Variants in RNF152 observed in about 807,000 individuals in gnomAD.
RNF152 encodes E3 ubiquitin-protein ligase RNF152.
In RNF152, 11 loss-of-function variants were observed where a neutral mutation model predicts 12.7. The ratio of observed to expected loss-of-function variants is 0.86; its 90% CI spans 0.54 to 1.43. The LOEUF is 1.43. Among genes scored for constraint, RNF152 ranks in the 40% most tolerant of loss-of-function variants. The pLI is 0.00. For missense variants in RNF152, 255 were observed against 274.8 expected (o/e 0.93, Z 0.51); for synonymous variants, 113 against 120.3 (o/e 0.94, Z 0.40).
rs1158737085 is a variant in RNF152, at chr18:61,815,917, G to C, written c.547C>G (p.Leu183Val). ...ILVACVLVFL[L>V]GIVLHNMSCI... ...GACATGTTGTGAAGCACGATGCCGA[G>C]GAGGAAGACCAAGACGCAAGCCACC... Residue 183 changes from leucine (L) to valine (V), a missense_variant, in exon 2 of 2, where the codon CTC becomes GTC. Transcript: ENST00000312828. 6.2e-7 allele frequency: 1 copy of C among 1,614,218 alleles called. No homozygotes were observed. The highest frequency in any genetic ancestry group is 2.2e-5 in the East Asian group (1 of 44,872).
At chr18:61,844,793 G>A (rs769349339) in intron 1 of RNF152, among the ~76,000 whole-genome samples, 2 of 152,074 alleles carry the variant, frequency 1.3e-5, no homozygotes, top group African/African-American at 4.8e-5. Flanking sequence ...ATTTATCAAG[G>A]GAAGGTGCAA....
chr18:61,836,997 C>A lies in RNF152; in HGVS notation c.-135-20399G>T, dbSNP rs79784366. 7.9e-5 allele frequency among the ~76,000 whole-genome samples: 12 copies of A among 152,240 alleles called. No homozygotes were observed. In the East Asian group the frequency reaches 2.3e-3, roughly 29 times the overall value. On this transcript the variant is annotated intron_variant, in intron 1 of 1. Coordinates refer to ENST00000312828, the MANE Select transcript of RNF152 (RefSeq NM_173557.3). ...CTTACTAAATGATAAAGAGAGTTAT[C>A]TTTACAGATATCACCTTAACCAAAG...
At chr18:61,817,888 C>A (rs921004281) in intron 1 of RNF152, among the ~76,000 whole-genome samples, 2 of 152,060 alleles carry the variant, frequency 1.3e-5, no homozygotes, top group African/African-American at 2.4e-5. Flanking sequence ...TTGAAAGCAT[C>A]CAAATTATGT....
At chr18:61,854,108 G>T (rs1404181795) in intron 1 of RNF152, among the ~76,000 whole-genome samples, 7 of 152,156 alleles carry the variant, frequency 4.6e-5, no homozygotes, top group Admixed American at 3.9e-4. Context: ...GACTCCCCGT[G>T]ACAAGGTGAT....
chr18:61,889,322 C>T (rs1042726294), intron 1 of RNF152, among the ~76,000 whole-genome samples: 2 of 152,110 alleles, frequency 1.3e-5, no homozygotes, highest in African/African-American at 4.8e-5. Flanking sequence ...GAACCAAAAG[C>T]AATATTATTT....
chr18:61,890,073 T>A (rs1261010633), intron 1 of RNF152, among the ~76,000 whole-genome samples: 1 of 152,224 alleles, frequency 6.6e-6, no homozygotes, highest in East Asian at 1.9e-4. Flanking sequence ...AGTAGTACAT[T>A]ACAGGTGGGG....
rs1473751425 is a variant in RNF152, at chr18:61,810,305, TTG to T, written c.*5545_*5546del. ...TGTGTGTGTGTGTGTAGTAAGTCAG[TTG>T]TGTCAGAAAAATCAATGGCTTGAAT... On this transcript the variant is annotated 3_prime_UTR_variant, in exon 2 of 2. Coordinates refer to ENST00000312828, the MANE Select transcript of RNF152 (RefSeq NM_173557.3). The T allele has an allele frequency of 6.9e-6, 1 of 145,870 alleles. No individual in the cohort carries two copies. Among genetic ancestry groups the T allele is most frequent in the African/African-American group, 2.5e-5 (1 of 40,448 alleles). 9.0% of individuals were successfully genotyped at this position (145,870 alleles called of 1,614,324 possible).
intron 1 of RNF152, among the ~76,000 whole-genome samples, chr18:61,880,694 C>T (rs930136086): frequency 2.0e-5 from 3 of 152,186 alleles, no homozygotes; most frequent in Middle Eastern, 3.2e-3. Context: ...GATAAATTTC[C>T]ATGTCATTTT....
At position 61,816,603 on chromosome 18, in the gene RNF152, G is replaced by C. The variant is rs1214988672; in HGVS notation, c.-135-5C>G. The C allele has an allele frequency of 2.4e-6, 2 of 820,648 alleles. No individual in the cohort carries two copies. The highest frequency in any genetic ancestry group is 3.7e-5 in the South Asian group (2 of 53,918). 50.8% of individuals were successfully genotyped at this position (820,648 alleles called of 1,614,324 possible). Reference sequence around the variant, plus strand: ...TACTCACAGGTGTGTTCATTTCTGAGAGAGACAAATAATGCAAACAATCTT... The same window carrying C: ...TACTCACAGGTGTGTTCATTTCTGACAGAGACAAATAATGCAAACAATCTT... On this transcript the variant is annotated splice_region_variant and splice_polypyrimidine_tract_variant and intron_variant, in intron 1 of 1. Coordinates refer to ENST00000312828, the MANE Select transcript of RNF152 (RefSeq NM_173557.3).
At chr18:61,870,399 A>G (rs532971053) in intron 1 of RNF152, among the ~76,000 whole-genome samples, 2 of 152,060 alleles carry the variant, frequency 1.3e-5, no homozygotes, top group Admixed American at 1.3e-4. Flanking sequence ...GTATTTTCTT[A>G]CTCTGGGCTG....
chr18:61,835,081 G>C (rs949115323), intron 1 of RNF152, among the ~76,000 whole-genome samples: 1 of 152,144 alleles, frequency 6.6e-6, no homozygotes, highest in African/African-American at 2.4e-5. Flanking sequence ...ACTGCTAAAT[G>C]GGAGAAGAAA....
chr18:61,860,871 G>A (rs1911446274), intron 1 of RNF152, among the ~76,000 whole-genome samples: 1 of 152,128 alleles, frequency 6.6e-6, no homozygotes, highest in African/African-American at 2.4e-5. Context: ...CTAGGCTAAT[G>A]TGTGTATTTG....
intron 1 of RNF152, chr18:61,888,058 T>C (rs576225219): frequency 6.6e-6 from 1 of 152,224 alleles, no homozygotes; most frequent in Non-Finnish European, 1.5e-5. Flanking sequence ...GTAAGTTTCA[T>C]CATGCAGGAT....
chr18:61,875,442 A>AT (rs1181299327), intron 1 of RNF152, among the ~76,000 whole-genome samples: 1 of 152,008 alleles, frequency 6.6e-6, no homozygotes, highest in African/African-American at 2.4e-5. Context: ...CAGAAAACAA[A>AT]TTTTTTTTCT....
rs114197428 is a variant in RNF152, at chr18:61,885,601, C to A, written c.-136+7194G>T. On this transcript the variant is annotated intron_variant, in intron 1 of 1. Transcript: ENST00000312828. The stretch of plus-strand genomic sequence containing the variant: ...GGAATTACAGGCGTGAGCCACCACG[C>A]CCAGCCGAGAGCGTTATTTTAATAT... 7.5e-3 allele frequency among the ~76,000 whole-genome samples: 1,146 copies of A among 152,326 alleles called. 15 individuals are homozygous for A. The highest frequency in any genetic ancestry group is 0.026 in the African/African-American group (1,070 of 41,564).
At chr18:61,892,059 C>T (rs1439972457) in intron 1 of RNF152, among the ~76,000 whole-genome samples, 1 of 152,174 alleles carries the variant, frequency 6.6e-6, no homozygotes, top group Non-Finnish European at 1.5e-5. Context: ...AAGATAACCC[C>T]AGATCTGGCT....
intron 1 of RNF152, among the ~76,000 whole-genome samples, chr18:61,837,028 C>T (rs1910219592): frequency 6.6e-6 from 1 of 152,126 alleles, no homozygotes; most frequent in African/African-American, 2.4e-5. Flanking sequence ...CAAAGATCAA[C>T]TTTAGCACCC....
At chr18:61,817,033 A>G (rs1909138680) in intron 1 of RNF152, among the ~76,000 whole-genome samples, 1 of 152,068 alleles carries the variant, frequency 6.6e-6, no homozygotes, top group African/African-American at 2.4e-5. Flanking sequence ...CTACTTACCC[A>G]CTTGTAAGTC....
At chr18:61,825,579 A>G (rs543053993) in intron 1 of RNF152, among the ~76,000 whole-genome samples, 1 of 152,338 alleles carries the variant, frequency 6.6e-6, no homozygotes, top group South Asian at 2.1e-4. Flanking sequence ...GATGCAAGAT[A>G]TTAAGATGGT....
Sources: allele counts gnomAD v4.1 joint callset (sites outside exome capture counted in the v4.1 genomes callset), GRCh38; gene constraint gnomAD v4.1.1; transcripts MANE v1.5; gene names NCBI Gene and HGNC (gene_info 2026-07-23, HGNC 2026-07-21).